Variants in AGBL4 observed in about 807,000 individuals in gnomAD.
AGBL4 encodes AGBL carboxypeptidase 4, also known as cytosolic carboxypeptidase 6.
Under a neutral mutation model 66.4 loss-of-function variants are expected in AGBL4, and 58 were observed. The observed-to-expected ratio is 0.87, with a 90% confidence interval of 0.71 to 1.09. The LOEUF (loss-of-function observed/expected upper bound fraction) is 1.09, where lower values mean the gene tolerates loss of function less well. AGBL4 is among the 50% of genes least tolerant of loss of function. AGBL4 has a pLI of 0.00. For missense variants in AGBL4, 579 were observed against 631.0 expected, an observed-to-expected ratio of 0.92 and a Z score of 0.88; for synonymous variants, 234 against 222.9, an observed-to-expected ratio of 1.05 and a Z score of -0.44.
intron 6 of AGBL4, among the ~76,000 whole-genome samples, chr1:48,824,835 G>A (rs971700788): frequency 1.3e-5 from 2 of 152,296 alleles, no homozygotes; most frequent in African/African-American, 4.8e-5. Context: ...TGTGCTCTGC[G>A]TGCTCCAGAG....
intron 4 of AGBL4, among the ~76,000 whole-genome samples, chr1:49,054,209 T>G (rs929901639): frequency 6.6e-6 from 1 of 152,078 alleles, no homozygotes; most frequent in African/African-American, 2.4e-5. Flanking sequence ...GCAGAAGAAC[T>G]AAAACCAGCA....
chr1:48,712,799 C>A (rs988176117), intron 6 of AGBL4, among the ~76,000 whole-genome samples: 2 of 152,176 alleles, frequency 1.3e-5, no homozygotes, highest in Non-Finnish European at 2.9e-5. Flanking sequence ...ATCAAATTGA[C>A]CTTGTCAGTG....
chr1:48,802,720 G>A (rs1409430674), intron 6 of AGBL4, among the ~76,000 whole-genome samples: 1 of 152,168 alleles, frequency 6.6e-6, no homozygotes, highest in Non-Finnish European at 1.5e-5. Context: ...TATGCTCCCA[G>A]TAATATCCAG....
At chr1:49,353,510 C>A (rs1422589877) in intron 3 of AGBL4, among the ~76,000 whole-genome samples, 3 of 152,080 alleles carry the variant, frequency 2.0e-5, no homozygotes, top group Non-Finnish European at 4.4e-5. Flanking sequence ...AGACTGCACC[C>A]TGGAAAAGGA....
intron 6 of AGBL4, among the ~76,000 whole-genome samples, chr1:48,857,643 C>T (rs544422031): frequency 3.3e-5 from 5 of 152,016 alleles, no homozygotes; most frequent in Non-Finnish European, 7.4e-5. Context: ...ATGGTGTGAA[C>T]CCGGAAGGTG....
intron 3 of AGBL4, among the ~76,000 whole-genome samples, chr1:49,567,507 T>C (rs911342007): frequency 6.6e-6 from 1 of 152,238 alleles, no homozygotes; most frequent in Admixed American, 6.5e-5. Flanking sequence ...TGTTAAATTT[T>C]ACTTACATAT....
chr1:49,516,267 G>A (rs1289834157), intron 3 of AGBL4, among the ~76,000 whole-genome samples: 2 of 151,930 alleles, frequency 1.3e-5, no homozygotes, highest in African/African-American at 2.4e-5. Flanking sequence ...ATCACAAATG[G>A]TGTTATAAAG....
chr1:49,846,637 T>C (rs1362277929), intron 2 of AGBL4, among the ~76,000 whole-genome samples: 1 of 152,098 alleles, frequency 6.6e-6, no homozygotes, highest in African/African-American at 2.4e-5. Context: ...GATAGGTGTA[T>C]GACCAAGCTG....
intron 3 of AGBL4, among the ~76,000 whole-genome samples, chr1:49,288,974 C>T (rs1644482749): frequency 6.6e-6 from 1 of 151,690 alleles, no homozygotes; most frequent in African/African-American, 2.4e-5. Context: ...AATTTACAGA[C>T]ATGTCAAGAA....
chr1:49,214,635 A>G (rs938155194), intron 4 of AGBL4, among the ~76,000 whole-genome samples: 5 of 152,166 alleles, frequency 3.3e-5, no homozygotes, highest in Non-Finnish European at 5.9e-5. Context: ...AAGGCTCTCC[A>G]TGACCATGCA....
At chr1:48,856,415 A>G (rs1340587775) in intron 6 of AGBL4, among the ~76,000 whole-genome samples, 1 of 152,194 alleles carries the variant, frequency 6.6e-6, no homozygotes. Flanking sequence ...ATTAGGAGTA[A>G]TTTATTTTTC....
intron 3 of AGBL4, among the ~76,000 whole-genome samples, chr1:49,542,046 G>C (rs1357593560): frequency 6.6e-6 from 1 of 152,194 alleles, no homozygotes; most frequent in Non-Finnish European, 1.5e-5. Context: ...GCACCAATCA[G>C]TGCTCTGTGG....
In AGBL4 at chr1:49,095,416, G is replaced by A. The variant is rs879663244; in HGVS notation, c.378-49616C>T. 2.6e-5 allele frequency among the ~76,000 whole-genome samples: 4 copies of A among 152,102 alleles called. 1 individual carries two copies. The highest frequency in any genetic ancestry group is 2.1e-4 in the South Asian group (1 of 4,828). On this transcript the variant is annotated intron_variant, in intron 4 of 13. Coordinates refer to ENST00000371839, the MANE Select transcript of AGBL4 (RefSeq NM_032785.4). ...AAAAGAACAAAGCTGGAGGCATCAC[G>A]CTACGTGACTTCAAACTATACTACA... is the stretch of plus-strand genomic sequence containing the variant.
chr1:49,100,683 G>A (rs1038730135), intron 4 of AGBL4, among the ~76,000 whole-genome samples: 15 of 152,214 alleles, frequency 9.9e-5, no homozygotes, highest in African/African-American at 2.4e-4. Context: ...CTAGGGAGTC[G>A]GGCAATGTTC....
intron 3 of AGBL4, among the ~76,000 whole-genome samples, chr1:49,557,870 AC>A (rs1440398608): frequency 1.3e-5 from 2 of 151,092 alleles, no homozygotes. Context: ...TCCAAAAGAG[AC>A]CCCTTCCTTC....
intron 4 of AGBL4, among the ~76,000 whole-genome samples, chr1:49,059,484 G>C (rs777070892): frequency 5.3e-4 from 81 of 152,244 alleles, no homozygotes; most frequent in Non-Finnish European, 9.7e-4. Flanking sequence ...ACTCTGCTAG[G>C]GCAGTGTGAA....
At chr1:49,610,766 G>A (rs1038409573) in intron 3 of AGBL4, among the ~76,000 whole-genome samples, 11 of 152,126 alleles carry the variant, frequency 7.2e-5, no homozygotes, top group Non-Finnish European at 1.5e-4. Flanking sequence ...AACTGTGAGC[G>A]ATAAATATCT....
intron 6 of AGBL4, among the ~76,000 whole-genome samples, chr1:48,831,252 C>T (rs531001081): frequency 7.9e-5 from 12 of 152,230 alleles, no homozygotes; most frequent in Admixed American, 3.3e-4. Context: ...CTCTCTGGCC[C>T]TCTGGGCTGG....
chr1:48,616,269 T>G (rs1222963281), intron 9 of AGBL4, among the ~76,000 whole-genome samples: 1 of 152,122 alleles, frequency 6.6e-6, no homozygotes, highest in Non-Finnish European at 1.5e-5. Flanking sequence ...GCATTAAAAT[T>G]TGAGACGCAC....
Sources: gnomAD v4.1 joint callset for allele counts (sites outside exome capture counted in the v4.1 genomes callset) on GRCh38, gnomAD v4.1.1 for gene constraint, MANE v1.5 for transcripts, NCBI Gene and HGNC (gene_info 2026-07-23, HGNC 2026-07-21) for gene names.